TRPS1: variants seen among roughly 807,000 people sequenced by gnomAD.
The protein encoded by TRPS1 is transcriptional repressor GATA binding 1.
A neutral mutation model predicts 101.2 loss-of-function variants in TRPS1; 6 were observed. The observed-to-expected ratio is 0.06, with a 90% CI of 0.03 to 0.12. The LOEUF (loss-of-function observed/expected upper bound fraction) is 0.12. Ranked by LOEUF, TRPS1 falls within the 10% of genes least tolerant of loss-of-function variation. The pLI is 1.00. For synonymous variants in TRPS1, 578 were observed against 589.8 expected, an observed-to-expected ratio of 0.98 and a Z score of 0.29; for missense variants, 1,363 against 1,567.0, an observed-to-expected ratio of 0.87 and a Z score of 2.20.
At chr8:115,640,547 G>A (rs780041466) in intron 1 of TRPS1, among the ~76,000 whole-genome samples, 1 of 152,144 alleles carries the variant, frequency 6.6e-6, no homozygotes, top group South Asian at 2.1e-4. Flanking sequence ...CGTGTTCACA[G>A]GAATAAGCAA....
chr8:115,640,054 A>G (rs73703346), intron 1 of TRPS1, among the ~76,000 whole-genome samples: 4,070 of 152,304 alleles, frequency 0.027, 189 homozygotes, highest in African/African-American at 0.093. Context: ...ATACTTTCAC[A>G]GTATCAAAAC....
chr8:115,567,148 C>G (rs80148887), intron 5 of TRPS1, among the ~76,000 whole-genome samples: 1 of 17,262 alleles, frequency 5.8e-5, no homozygotes, highest in African/African-American at 1.8e-3. Flanking sequence ...CCAAGATATA[C>G]TTGTTCCAGA....
At chr8:115,460,754 G>A (rs546160734) in intron 5 of TRPS1, among the ~76,000 whole-genome samples, 1 of 152,196 alleles carries the variant, frequency 6.6e-6, no homozygotes, top group East Asian at 1.9e-4. Context: ...TAGTTTGGAC[G>A]ACTAACCAAA....
intron 5 of TRPS1, among the ~76,000 whole-genome samples, chr8:115,448,922 G>A (rs909599758): frequency 6.6e-6 from 1 of 152,072 alleles, no homozygotes; most frequent in Non-Finnish European, 1.5e-5. Context: ...AATATTAATT[G>A]TTAATAATGT....
At chr8:115,487,603 G>C (rs1376038010) in intron 5 of TRPS1, among the ~76,000 whole-genome samples, 1 of 152,186 alleles carries the variant, frequency 6.6e-6, no homozygotes, top group Non-Finnish European at 1.5e-5. Context: ...ACAGGAGTTT[G>C]TAAGAAGTTG....
chr8:115,555,201 T>C (rs961075464), intron 5 of TRPS1, among the ~76,000 whole-genome samples: 5 of 152,166 alleles, frequency 3.3e-5, no homozygotes, highest in African/African-American at 1.2e-4. Flanking sequence ...TTAAAAAATA[T>C]ACTTGGTTTT....
At chr8:115,632,118 A>C (rs1818659936) in intron 1 of TRPS1, among the ~76,000 whole-genome samples, 1 of 152,134 alleles carries the variant, frequency 6.6e-6, no homozygotes, top group Non-Finnish European at 1.5e-5. Context: ...AGAGTACCAT[A>C]ATCAGTAAAA....
intron 5 of TRPS1, among the ~76,000 whole-genome samples, chr8:115,489,364 T>G (rs935209201): frequency 2.6e-5 from 4 of 152,206 alleles, no homozygotes; most frequent in Non-Finnish European, 5.9e-5. Flanking sequence ...AAAAATAGTG[T>G]TGTTACTGTT....
At chr8:115,581,356 G>A (rs1195759187) in intron 5 of TRPS1, among the ~76,000 whole-genome samples, 1 of 152,012 alleles carries the variant, frequency 6.6e-6, no homozygotes, top group East Asian at 1.9e-4. Flanking sequence ...ACTGTAGGAC[G>A]CCTGTACTTA....
intron 5 of TRPS1, among the ~76,000 whole-genome samples, chr8:115,427,067 C>T (rs1813204874): frequency 6.6e-6 from 1 of 151,774 alleles, no homozygotes; most frequent in Admixed American, 6.6e-5. Flanking sequence ...AGGCTAGGAG[C>T]TTGAGATCAA....
intron 2 of TRPS1, among the ~76,000 whole-genome samples, chr8:115,620,501 A>C (rs1313135289): frequency 6.6e-6 from 1 of 152,194 alleles, no homozygotes; most frequent in Non-Finnish European, 1.5e-5. Context: ...GTTTATGGTT[A>C]TAGAATACAT....
chr8:115,653,540 T>C (rs902742338), intron 1 of TRPS1, among the ~76,000 whole-genome samples: 2 of 152,204 alleles, frequency 1.3e-5, no homozygotes, highest in African/African-American at 2.4e-5. Context: ...ATTTAATTGA[T>C]TATATCTGAC....
intron 5 of TRPS1, among the ~76,000 whole-genome samples, chr8:115,541,186 T>C (rs1277967856): frequency 6.6e-6 from 1 of 152,240 alleles, no homozygotes; most frequent in Non-Finnish European, 1.5e-5. Context: ...GCCTACTATC[T>C]GAAGGCACTC....
chr8:115,650,371 G>C (rs1317664048), intron 1 of TRPS1, among the ~76,000 whole-genome samples: 1 of 152,176 alleles, frequency 6.6e-6, no homozygotes, highest in Non-Finnish European at 1.5e-5. Flanking sequence ...GCATAGATAA[G>C]TGCAAGTCCT....
chr8:115,642,855 T>C (rs1218323432), intron 1 of TRPS1, among the ~76,000 whole-genome samples: 1 of 133,892 alleles, frequency 7.5e-6, no homozygotes, highest in East Asian at 2.1e-4. Context: ...AAAAAATATA[T>C]ATATATATAA....
chr8:115,607,834 T>C (rs1158657079), intron 3 of TRPS1, among the ~76,000 whole-genome samples: 1 of 152,118 alleles, frequency 6.6e-6, no homozygotes, highest in Non-Finnish European at 1.5e-5. Context: ...ACTCAAGTCA[T>C]AGCGAAATAT....
rs1817985491 is a variant in TRPS1 at position 115,604,454 on chromosome 8, T to C, written c.1515A>G (p.Gly505=). ...TCTTGTCTGTCTTGGTCATTGTCTC[T>C]CCTTCTGAACTTTTGGCTAGATCAT... ...NQNDLAKSSE[G]ETMTKTDKSS... is the part of the protein sequence containing the mutation. The change falls in exon 4 of 7, where the codon GGA becomes GGG. Residue 505 remains glycine, a synonymous_variant. Coordinates refer to ENST00000395715, the MANE Select transcript of TRPS1 (RefSeq NM_014112.5). This position sits in a 1 kb window ranked among gnomAD's most constrained non-coding sequence, Gnocchi z 4.1. 6.2e-7 allele frequency: 1 copy of C among 1,613,982 alleles called. No homozygotes were observed.
At chr8:115,547,927 T>TTAATATCTTAAATTAAGAGAAA (rs1816613375) in intron 5 of TRPS1, among the ~76,000 whole-genome samples, 1 of 152,176 alleles carries the variant, frequency 6.6e-6, no homozygotes, top group East Asian at 1.9e-4. Flanking sequence ...AGAAAACTTC[T>TTAATATCTTAAATTAAGAGAAA]ACGCATAATA....
rs540162721 is a variant in TRPS1 at position 115,643,964 on chromosome 8, C to A, written c.-121-20206G>T. 1.9e-3 allele frequency among the ~76,000 whole-genome samples: 286 copies of A among 152,314 alleles called. 1 individual carries two copies. The highest frequency in any genetic ancestry group is 6.3e-3 in the African/African-American group (260 of 41,576). On this transcript the variant is annotated intron_variant, in intron 1 of 6. Transcript: ENST00000395715. ...TCAGAGCTTCTGGGGTGACTGCGTG[C>A]ATTGTCAGTGAGCAGTAATACTTTT... is the stretch of plus-strand genomic sequence containing the variant.
Sources: gnomAD v4.1 joint callset for allele counts (sites outside exome capture counted in the v4.1 genomes callset) on GRCh38, gnomAD v4.1.1 for gene constraint, Gnocchi (gnomAD v3.1) non-coding constraint, MANE v1.5 for transcripts, NCBI Gene and HGNC (gene_info 2026-07-23, HGNC 2026-07-21) for gene names.